PCDHGA3: variants seen among roughly 807,000 people sequenced by gnomAD.
PCDHGA3 encodes protocadherin gamma-A3.
A neutral mutation model predicts 58.5 loss-of-function variants in PCDHGA3; 40 were observed. The observed-to-expected ratio is 0.68, with a 90% CI of 0.53 to 0.89. The LOEUF is 0.89. PCDHGA3 is among the 40% of genes least tolerant of loss of function. The probability of loss-of-function intolerance (pLI) is 0.00; values close to 1 mark genes in which losing one functional copy is unlikely to be tolerated. For missense variants in PCDHGA3, 1,223 were observed against 1,195.9 expected (o/e 1.02, Z -0.33); for synonymous variants, 530 against 525.7 (o/e 1.01, Z -0.11).
chr5:141,375,073 A>T, intron 1 of PCDHGA3: 1 of 1,614,030 alleles, frequency 6.2e-7, no homozygotes, highest in Non-Finnish European at 8.5e-7. Flanking sequence ...TTCGAGACAG[A>T]GCGAAAGTCT....
At chr5:141,460,733 C>T (rs988651750) in intron 1 of PCDHGA3, among the ~76,000 whole-genome samples, 2 of 150,844 alleles carry the variant, frequency 1.3e-5, no homozygotes, top group Non-Finnish European at 3.0e-5. Context: ...CATATATACA[C>T]ATTGTATATA....
intron 1 of PCDHGA3, among the ~76,000 whole-genome samples, chr5:141,437,246 C>A (rs897787623): frequency 6.6e-6 from 1 of 152,144 alleles, no homozygotes; most frequent in Non-Finnish European, 1.5e-5. Context: ...CAAGGACTTT[C>A]CTTGTCTTTT....
At chr5:141,421,797 C>T in intron 1 of PCDHGA3, 1 of 1,613,744 alleles carries the variant, frequency 6.2e-7, no homozygotes, top group Non-Finnish European at 8.5e-7. Context: ...CGGATGGGGC[C>T]AAGAATCCAG....
At chr5:141,417,460 A>G (rs1160577617) in intron 1 of PCDHGA3, 1 of 180,404 alleles carries the variant, frequency 5.5e-6, no homozygotes, top group Non-Finnish European at 1.1e-5. Flanking sequence ...GACCAAGTGG[A>G]AATATATTTC....
chr5:141,384,709 C>G, intron 1 of PCDHGA3: 2 of 1,614,124 alleles, frequency 1.2e-6, no homozygotes, highest in South Asian at 1.1e-5. Context: ...GAACGCCTGG[C>G]TGTCATACCT....
At chr5:141,370,834 T>C in intron 1 of PCDHGA3, 1 of 1,614,012 alleles carries the variant, frequency 6.2e-7, no homozygotes. Context: ...GAACTGGCTC[T>C]CACTGGAGCC....
chr5:141,366,187 T>G (rs1297939104), intron 1 of PCDHGA3: 4 of 1,613,856 alleles, frequency 2.5e-6, no homozygotes, highest in African/African-American at 1.3e-5. Flanking sequence ...TCTTTGCGGT[T>G]GGGCTGCACA....
intron 1 of PCDHGA3, chr5:141,376,291 C>A (rs780024608): frequency 6.2e-7 from 1 of 1,614,158 alleles, no homozygotes; most frequent in South Asian, 1.1e-5. Flanking sequence ...CGAGCATGCC[C>A]GGCTCGCACT....
chr5:141,404,240 C>T, intron 1 of PCDHGA3: 1 of 1,613,660 alleles, frequency 6.2e-7, no homozygotes, highest in East Asian at 2.2e-5. Context: ...CAGAGGAACT[C>T]CGCCCCTGTC....
intron 1 of PCDHGA3, among the ~76,000 whole-genome samples, chr5:141,464,885 G>T (rs1592925315): frequency 6.6e-6 from 1 of 152,020 alleles, no homozygotes; most frequent in East Asian, 1.9e-4. Flanking sequence ...ACTACAGATG[G>T]ATGCCACCAT....
At chr5:141,372,097 G>T in intron 1 of PCDHGA3, 1 of 1,613,808 alleles carries the variant, frequency 6.2e-7, no homozygotes, top group South Asian at 1.1e-5. Context: ...CCAGCTCTGG[G>T]GCCCGAAGGC....
At chr5:141,351,725 G>T in intron 1 of PCDHGA3, 1 of 1,613,804 alleles carries the variant, frequency 6.2e-7, no homozygotes, top group Non-Finnish European at 8.5e-7. Context: ...CTCTATTCTG[G>T]CCAGTGACCT....
chr5:141,411,366 T>C (rs559840924), intron 1 of PCDHGA3: 1 of 152,208 alleles, frequency 6.6e-6, no homozygotes, highest in South Asian at 2.1e-4. Flanking sequence ...AGCCCAAGAA[T>C]TGAGACCAGC....
chr5:141,484,695 G>A (rs1371166304), intron 1 of PCDHGA3, among the ~76,000 whole-genome samples: 3 of 151,920 alleles, frequency 2.0e-5, no homozygotes, highest in Non-Finnish European at 4.4e-5. Context: ...TCAGGCTGTG[G>A]CTGTTTTCCC....
rs771398829 is a variant in PCDHGA3, at chr5:141,421,251, G to A, written c.2425-73556G>A. ...CCATGGCGAATCGGCTACAGCGCGG[G>A]GACCGCAGTCGGCTGCTGCTGCTGC... On this transcript the variant is annotated intron_variant, in intron 1 of 3. Transcript: ENST00000253812. 17 of 1,606,770 alleles carry A rather than the reference G, an allele frequency of 1.1e-5. No homozygotes were observed. The East Asian group carries it at 3.1e-4, about 30-fold the overall frequency.
intron 1 of PCDHGA3, chr5:141,478,523 G>T (rs2099461821): frequency 6.2e-7 from 1 of 1,609,908 alleles, no homozygotes; most frequent in Non-Finnish European, 8.5e-7. Context: ...GGTGTTGGGT[G>T]CAGAGAGCGC....
Position 141,349,318 on chromosome 5 carries a change from C to T in PCDHGA3, c.2424+2861C>T, listed in dbSNP as rs371990923. Reference sequence around the variant, plus strand: ...CTCCTGACCTCATGTGTTCTTCCCACCTTGGCCTCCCAAAGTGCTGGGATC... The same window carrying T: ...CTCCTGACCTCATGTGTTCTTCCCATCTTGGCCTCCCAAAGTGCTGGGATC... On this transcript the variant is annotated intron_variant, in intron 1 of 3. Coordinates refer to ENST00000253812, the MANE Select transcript of PCDHGA3 (RefSeq NM_018916.4). 7.2e-5 allele frequency among the ~76,000 whole-genome samples: 11 copies of T among 152,294 alleles called. No homozygotes were observed. The East Asian group carries it at 2.1e-3, about 29-fold the overall frequency.
At chr5:141,391,586 A>T (rs2092395151) in intron 1 of PCDHGA3, 1 of 152,234 alleles carries the variant, frequency 6.6e-6, no homozygotes. Flanking sequence ...TTCACAGGAA[A>T]ATATAAAGTT....
In PCDHGA3 at chr5:141,486,444, T is replaced by C. The variant is rs769032995; in HGVS notation, c.2425-8363T>C. 2 of 1,614,086 alleles carry C rather than the reference T, an allele frequency of 1.2e-6. No individual in the cohort carries two copies. On this transcript the variant is annotated intron_variant, in intron 1 of 3. Transcript: ENST00000253812. This position sits in a 1 kb window ranked among gnomAD's most constrained non-coding sequence, Gnocchi z 5.0. ...GAGGCCAAATCTAGCTATGACATCA[T>C]GGTCACTGCTTCTGATGCTGGGAAC...
Sources: allele counts gnomAD v4.1 joint callset (sites outside exome capture counted in the v4.1 genomes callset), GRCh38; gene constraint gnomAD v4.1.1; non-coding constraint Gnocchi (gnomAD v3.1); transcripts MANE v1.5; gene names NCBI Gene and HGNC (gene_info 2026-07-23, HGNC 2026-07-21).